The following PITPNC1 variants were observed in gnomAD, a reference collection of about 807,000 sequenced individuals.
The protein encoded by PITPNC1 is phosphatidylinositol transfer protein cytoplasmic 1.
PITPNC1 carries 18 observed loss-of-function variants against 44.7 expected under a neutral mutation model. The observed-to-expected ratio is 0.40, with a 90% CI of 0.28 to 0.60. The LOEUF (loss-of-function observed/expected upper bound fraction) is 0.60. Ranked by LOEUF, PITPNC1 falls within the 20% of genes least tolerant of loss-of-function variation. PITPNC1 has a pLI of 0.39. For synonymous variants in PITPNC1, 141 were observed against 149.6 expected (o/e 0.94, Z 0.42); for missense variants, 290 against 418.4 (o/e 0.69, Z 2.68).
rs117104113 is a variant in PITPNC1, at chr17:67,437,619, T to C, written c.48+59417T>C. 9.6e-3 allele frequency among the ~76,000 whole-genome samples: 1,465 copies of C among 152,212 alleles called. 23 individuals are homozygous for C. The highest frequency in any genetic ancestry group is 0.014 in the Non-Finnish European group (925 of 67,986). On this transcript the variant is annotated intron_variant, in intron 1 of 8. Transcript: ENST00000581322. ...CACTGGTTTCTTAGGAATATTTGCA[T>C]TGGGGTGCAGGCATGAGAGAGGCCT...
Position 67,578,341 on chromosome 17 carries a change from G to A in PITPNC1, c.366+84G>A, listed in dbSNP as rs2041178797. ...TTCTCACAGCCCCTCTGTGACCAGG[G>A]CCAGCAGTGGGACCTGTGCCTGGGA... On this transcript the variant is annotated intron_variant, in intron 5 of 8. Coordinates refer to ENST00000581322, the MANE Select transcript of PITPNC1 (RefSeq NM_012417.4). The A allele has an allele frequency of 4.4e-6, 4 of 909,354 alleles. No individual in the cohort carries two copies. The South Asian group carries it at 5.3e-5, about 12-fold the overall frequency. The allele number at this position is 909,354 out of a possible 1,614,324, so 56.3% of individuals were successfully genotyped here.
chr17:67,525,439 G>T (rs2040380026), intron 1 of PITPNC1: 2 of 152,258 alleles, frequency 1.3e-5, no homozygotes, highest in Admixed American at 1.3e-4. Context: ...TTACAAAGCA[G>T]GCATCAGCCT....
At chr17:67,634,675 C>T (rs1020391547) in intron 6 of PITPNC1, among the ~76,000 whole-genome samples, 1 of 152,140 alleles carries the variant, frequency 6.6e-6, no homozygotes, top group African/African-American at 2.4e-5. Context: ...CAGAGTCACA[C>T]GTGCAGGAAG....
At position 67,692,970 on chromosome 17, in the gene PITPNC1, G is replaced by C. The variant is rs2042957143; in HGVS notation, c.*82G>C. ...TTAAGAATCTTCTGATAGAGAAAAAGACTGCTTTGTCACTCAAACATGTTC... is the reference window on the plus strand; with the variant it reads ...TTAAGAATCTTCTGATAGAGAAAAACACTGCTTTGTCACTCAAACATGTTC... On this transcript the variant is annotated 3_prime_UTR_variant, in exon 9 of 9. Transcript: ENST00000581322. 1 of 904,766 alleles carries C rather than the reference G, an allele frequency of 1.1e-6. No individual in the cohort carries two copies. The highest frequency in any genetic ancestry group is 1.6e-5 in the South Asian group (1 of 61,400). 56.0% of individuals were successfully genotyped at this position (904,766 alleles called of 1,614,324 possible). A position where few individuals can be genotyped will look rare whatever the true frequency, so the allele number is the denominator to read the frequency against.
At chr17:67,387,594 A>G (rs1401249558) in intron 1 of PITPNC1, among the ~76,000 whole-genome samples, 1 of 152,200 alleles carries the variant, frequency 6.6e-6, no homozygotes, top group Non-Finnish European at 1.5e-5. Flanking sequence ...TGAACCCGGG[A>G]GGTGGAAGTT....
chr17:67,433,928 A>AATG (rs1196041720), intron 1 of PITPNC1, among the ~76,000 whole-genome samples: 3 of 151,702 alleles, frequency 2.0e-5, no homozygotes, highest in Non-Finnish European at 4.4e-5. Context: ...TAATAATAAT[A>AATG]ATAAAGAGGA....
intron 5 of PITPNC1, among the ~76,000 whole-genome samples, chr17:67,601,308 G>A (rs1434942610): frequency 2.0e-5 from 3 of 152,120 alleles, no homozygotes; most frequent in Non-Finnish European, 4.4e-5. Flanking sequence ...GGTCAATGAA[G>A]ACAATGAAAG....
chr17:67,667,903 T>TCAGGAGGCAGAGGTTGGGGTGAG lies in PITPNC1; in HGVS notation c.463-1603_463-1581dup, dbSNP rs2042448538. 3.3e-5 allele frequency among the ~76,000 whole-genome samples: 5 copies of TCAGGAGGCAGAGGTTGGGGTGAG among 152,112 alleles called. No individual in the cohort carries two copies. The South Asian group carries it at 1.0e-3, about 32-fold the overall frequency. On this transcript the variant is annotated intron_variant, in intron 6 of 8. Transcript: ENST00000581322. The stretch of plus-strand genomic sequence containing the variant: ...GTTGAGGCAGGAGAATTGCTTGAAC[T>TCAGGAGGCAGAGGTTGGGGTGAG]CAGGAGGCAGAGGTTGGGGTGAGCC...
At chr17:67,655,558 CAAAA>C (rs796111267) in intron 6 of PITPNC1, among the ~76,000 whole-genome samples, 3 of 42,084 alleles carry the variant, frequency 7.1e-5, no homozygotes, top group Non-Finnish European at 1.5e-4. Flanking sequence ...AGACTCATCT[CAAAA>C]AAAAAAAAAA....
At chr17:67,650,949 T>A (rs1192576496) in intron 6 of PITPNC1, among the ~76,000 whole-genome samples, 1 of 152,156 alleles carries the variant, frequency 6.6e-6, no homozygotes, top group Non-Finnish European at 1.5e-5. Context: ...TGAGTCAAAC[T>A]CCTTTAAGAG....
chr17:67,399,870 C>T (rs1198439587), intron 1 of PITPNC1, among the ~76,000 whole-genome samples: 1 of 152,174 alleles, frequency 6.6e-6, no homozygotes, highest in Non-Finnish European at 1.5e-5. Context: ...AGTGTGGACA[C>T]GGAAGACCTA....
At chr17:67,526,188 C>T (rs181538108) in intron 1 of PITPNC1, among the ~76,000 whole-genome samples, 4 of 151,878 alleles carry the variant, frequency 2.6e-5, no homozygotes, top group Admixed American at 2.6e-4. Context: ...AGGAAGATGA[C>T]CCCCACTAGG....
intron 6 of PITPNC1, among the ~76,000 whole-genome samples, chr17:67,634,790 C>T (rs544382548): frequency 3.2e-4 from 48 of 152,240 alleles, no homozygotes; most frequent in African/African-American, 8.7e-4. Context: ...CAGTGCCTCA[C>T]GCCTGTAATC....
At chr17:67,593,619 A>G (rs929972235) in intron 5 of PITPNC1, among the ~76,000 whole-genome samples, 1 of 152,116 alleles carries the variant, frequency 6.6e-6, no homozygotes, top group African/African-American at 2.4e-5. Flanking sequence ...GGCTGGTCTC[A>G]AACTCCTGGG....
intron 4 of PITPNC1, among the ~76,000 whole-genome samples, chr17:67,570,047 G>A (rs998305282): frequency 6.6e-6 from 1 of 152,160 alleles, no homozygotes; most frequent in Non-Finnish European, 1.5e-5. Context: ...CTCCCCCTCT[G>A]CCTGTAAGCA....
intron 4 of PITPNC1, among the ~76,000 whole-genome samples, chr17:67,557,415 G>A (rs1369093619): frequency 6.6e-6 from 1 of 152,204 alleles, no homozygotes; most frequent in African/African-American, 2.4e-5. Flanking sequence ...GATGGAGGTG[G>A]ATCCTGGCCA....
rs151286177 is a variant in PITPNC1, at chr17:67,431,937, T to A, written c.48+53735T>A. ...CTTTGGCTCAGTCAGATGTTTTCAG[T>A]TTCACCCAGCACGGACCACAGCCAT... On this transcript the variant is annotated intron_variant, in intron 1 of 8. Transcript: ENST00000581322. Among the ~76,000 whole-genome samples, 14 of 152,292 alleles carry A rather than the reference T, an allele frequency of 9.2e-5. No homozygotes were observed. The East Asian group carries it at 2.7e-3, about 29-fold the overall frequency.
chr17:67,531,903 C>G (rs988479266), intron 1 of PITPNC1, among the ~76,000 whole-genome samples: 2 of 152,186 alleles, frequency 1.3e-5, no homozygotes, highest in Admixed American at 1.3e-4. Flanking sequence ...CTCTCTCCCC[C>G]TCCCCTCTCT....
intron 1 of PITPNC1, among the ~76,000 whole-genome samples, chr17:67,389,459 G>C (rs1598606269): frequency 1.3e-5 from 2 of 152,176 alleles, no homozygotes; most frequent in East Asian, 3.9e-4. Context: ...ATACTTTATT[G>C]AACTCCTGCT....
Sources: allele counts gnomAD v4.1 joint callset (sites outside exome capture counted in the v4.1 genomes callset), GRCh38; gene constraint gnomAD v4.1.1; transcripts MANE v1.5; gene names NCBI Gene and HGNC (gene_info 2026-07-23, HGNC 2026-07-21).